Variants in FKBP3 observed in about 807,000 individuals in gnomAD.
FKBP3 encodes peptidyl-prolyl cis-trans isomerase FKBP3.
In FKBP3, 21 loss-of-function variants were observed where a neutral mutation model predicts 30.6. The ratio of observed to expected loss-of-function variants is 0.69; its 90% CI spans 0.49 to 0.99. FKBP3 has a LOEUF of 0.99. Ranked by LOEUF, FKBP3 falls within the 50% of genes least tolerant of loss-of-function variation. The probability of loss-of-function intolerance (pLI) is 0.00; values close to 1 mark genes in which losing one functional copy is unlikely to be tolerated. For missense variants in FKBP3, 283 were observed against 261.6 expected, an observed-to-expected ratio of 1.08 and a Z score of -0.56; for synonymous variants, 82 against 91.3, an observed-to-expected ratio of 0.90 and a Z score of 0.58.
chr14:45,122,050 A>T (rs1207608382), intron 3 of FKBP3, among the ~76,000 whole-genome samples: 1 of 152,198 alleles, frequency 6.6e-6, no homozygotes, highest in Non-Finnish European at 1.5e-5. Context: ...TTTTATAATA[A>T]CCAATTAGAA....
chr14:45,129,206 A>C (rs1214388378), intron 3 of FKBP3, among the ~76,000 whole-genome samples: 3 of 152,228 alleles, frequency 2.0e-5, no homozygotes, highest in African/African-American at 7.2e-5. Context: ...CTTAGATAGT[A>C]AGGTATTATC....
rs1885195380 is a variant in FKBP3, at chr14:45,130,751, G to A, written c.158C>T (p.Thr53Ile). 1 of 1,610,982 alleles carries A rather than the reference G, an allele frequency of 6.2e-7. No individual in the cohort carries two copies. The highest frequency in any genetic ancestry group is 1.3e-5 in the African/African-American group (1 of 74,766). Residue 53 changes from threonine to isoleucine, a missense_variant, in exon 2 of 7, where the codon ACA becomes ATA. Coordinates refer to ENST00000396062, the MANE Select transcript of FKBP3 (RefSeq NM_002013.4). ...LLGNIKNVAK[T>I]ANKDHLVTAY... Reference sequence around the variant, plus strand: ...TGTAACCAAGTGGTCCTTGTTAGCTGTCTTGGCCACATTTTTAATGTTTCC... The same window carrying A: ...TGTAACCAAGTGGTCCTTGTTAGCTATCTTGGCCACATTTTTAATGTTTCC...
chr14:45,133,808 G>A lies in FKBP3; in HGVS notation c.108+541C>T, dbSNP rs1018194814. Among the ~76,000 whole-genome samples, 9 of 152,264 alleles carry A rather than the reference G, an allele frequency of 5.9e-5. 1 individual carries two copies. In the South Asian group the frequency reaches 1.2e-3, roughly 21 times the overall value. On this transcript the variant is annotated intron_variant, in intron 1 of 6. Coordinates refer to ENST00000396062, the MANE Select transcript of FKBP3 (RefSeq NM_002013.4). Reference sequence around the variant, plus strand: ...CATGTAGCTCCCTTAAAGTATAAAGGTGAAAAGGTCATTTAAAGGGTCGAT... The same window carrying A: ...CATGTAGCTCCCTTAAAGTATAAAGATGAAAAGGTCATTTAAAGGGTCGAT...
chr14:45,133,582 A>T (rs1211709762), intron 1 of FKBP3: 2 of 154,906 alleles, frequency 1.3e-5, no homozygotes, highest in Admixed American at 6.5e-5. Context: ...CTGCGTGCAC[A>T]ACTATTTCAG....
intron 1 of FKBP3, chr14:45,131,007 C>G: frequency 2.2e-6 from 1 of 454,222 alleles, no homozygotes; most frequent in South Asian, 3.0e-5. Context: ...AGTGACAAGA[C>G]TGCAACTGTA....
chr14:45,121,628 C>T lies in FKBP3; in HGVS notation c.319-8G>A, dbSNP rs1566704560. 2 of 1,609,400 alleles carry T rather than the reference C, an allele frequency of 1.2e-6. No homozygotes were observed. Among genetic ancestry groups the T allele is most frequent in the Middle Eastern group, 1.7e-4 (1 of 6,032 alleles). On this transcript the variant is annotated splice_polypyrimidine_tract_variant and splice_region_variant and intron_variant, in intron 3 of 6. Coordinates refer to ENST00000396062, the MANE Select transcript of FKBP3 (RefSeq NM_002013.4). ...AGTATATTTTGGTGGACCCTAAAAA[C>T]AAAAAACAACACACACACACAGAGT... is the stretch of plus-strand genomic sequence containing the variant.
At chr14:45,119,515 G>A (rs1282255690) in intron 5 of FKBP3, among the ~76,000 whole-genome samples, 1 of 151,804 alleles carries the variant, frequency 6.6e-6, no homozygotes, top group East Asian at 2.0e-4. Flanking sequence ...GTTGCAGTAA[G>A]CCGAGATTGC....
chr14:45,125,089 G>T (rs1399708050), intron 3 of FKBP3, among the ~76,000 whole-genome samples: 1 of 152,094 alleles, frequency 6.6e-6, no homozygotes, highest in Non-Finnish European at 1.5e-5. Context: ...GCTAATTTTT[G>T]TATTTTTAGT....
At chr14:45,121,346 A>G (rs1019943532) in intron 4 of FKBP3, 139 bp downstream of exon 4, 33 of 686,116 alleles carry the variant, frequency 4.8e-5, no homozygotes, top group Middle Eastern at 4.1e-4. Context: ...ACCTCTTCCA[A>G]GTAGATCTTG....
chr14:45,118,494 G>A (rs539631638), intron 5 of FKBP3, among the ~76,000 whole-genome samples: 122 of 152,084 alleles, frequency 8.0e-4, no homozygotes, highest in African/African-American at 2.8e-3. Flanking sequence ...AGCTGGGTGC[G>A]GTGGTGGGTG....
At chr14:45,122,807 C>G (rs1594742568) in intron 3 of FKBP3, among the ~76,000 whole-genome samples, 1 of 151,858 alleles carries the variant, frequency 6.6e-6, no homozygotes, top group Non-Finnish European at 1.5e-5. Context: ...CTGGCCTATT[C>G]CTGATCTATT....
intron 5 of FKBP3, among the ~76,000 whole-genome samples, chr14:45,120,294 C>T (rs904145111): frequency 3.3e-5 from 5 of 152,150 alleles, no homozygotes; most frequent in Admixed American, 6.5e-5. Flanking sequence ...ATGGTCAGTA[C>T]GGGTCAAGCC....
chr14:45,117,965 C>T, intron 6 of FKBP3, 63 bp downstream of exon 6: 1 of 1,231,044 alleles, frequency 8.1e-7, no homozygotes, highest in Non-Finnish European at 1.2e-6. Flanking sequence ...CTTTCACATC[C>T]TCAAAGGTGA....
At chr14:45,127,560 A>G (rs1392601896) in intron 3 of FKBP3, among the ~76,000 whole-genome samples, 2 of 152,216 alleles carry the variant, frequency 1.3e-5, no homozygotes, top group Non-Finnish European at 2.9e-5. Context: ...CTTTTTTAAA[A>G]AAGAAACGTC....
At chr14:45,132,439 C>T (rs1885237920) in intron 1 of FKBP3, among the ~76,000 whole-genome samples, 2 of 151,918 alleles carry the variant, frequency 1.3e-5, no homozygotes, top group African/African-American at 4.8e-5. Flanking sequence ...GCTCTGTCGC[C>T]CAGGCTGGAG....
chr14:45,118,424 G>A (rs1884905582), intron 5 of FKBP3, among the ~76,000 whole-genome samples: 1 of 152,014 alleles, frequency 6.6e-6, no homozygotes, highest in African/African-American at 2.4e-5. Context: ...AAGGTCAGGA[G>A]TTTGAGACCA....
chr14:45,130,367 AAAC>A (rs1411001876), intron 2 of FKBP3, among the ~76,000 whole-genome samples: 2 of 152,252 alleles, frequency 1.3e-5, no homozygotes, highest in African/African-American at 4.8e-5. Context: ...ATATATAATA[AAAC>A]AACAACAAAA....
At position 45,122,909 on chromosome 14, in the gene FKBP3, T is replaced by C. The variant is rs548220214; in HGVS notation, c.319-1289A>G. 1.9e-4 allele frequency among the ~76,000 whole-genome samples: 29 copies of C among 151,894 alleles called. No individual in the cohort carries two copies. The East Asian group carries it at 5.5e-3, about 29-fold the overall frequency. On this transcript the variant is annotated intron_variant, in intron 3 of 6. Coordinates refer to ENST00000396062, the MANE Select transcript of FKBP3 (RefSeq NM_002013.4). Reference sequence around the variant, plus strand: ...TCCAAAACTTGTAAGTAAAAATATCTGTGCTGGGTGCGGTGGCTCACACCT... The same window carrying C: ...TCCAAAACTTGTAAGTAAAAATATCCGTGCTGGGTGCGGTGGCTCACACCT...
At chr14:45,123,799 T>G (rs1412125810) in intron 3 of FKBP3, among the ~76,000 whole-genome samples, 2 of 151,578 alleles carry the variant, frequency 1.3e-5, no homozygotes, top group African/African-American at 4.8e-5. Flanking sequence ...TTTGTATTTT[T>G]AGTAGAGACG....
Sources: gnomAD v4.1 joint callset for allele counts (sites outside exome capture counted in the v4.1 genomes callset) on GRCh38, gnomAD v4.1.1 for gene constraint, MANE v1.5 for transcripts, NCBI Gene and HGNC (gene_info 2026-07-23, HGNC 2026-07-21) for gene names.